EIF3F: variants seen among roughly 807,000 people sequenced by gnomAD.
EIF3F encodes deubiquitinating enzyme eIF3f.
EIF3F carries 8 observed loss-of-function variants against 36.0 expected under a neutral mutation model. The observed-to-expected ratio is 0.22, with a 90% CI of 0.13 to 0.40. The LOEUF is 0.40. Among genes scored for constraint, EIF3F ranks in the 10% least tolerant of loss-of-function variants. The pLI, the probability that EIF3F is intolerant of heterozygous loss-of-function variation, is 1.00. For missense variants in EIF3F, 430 were observed against 467.6 expected, an observed-to-expected ratio of 0.92 and a Z score of 0.74; for synonymous variants, 184 against 188.5, an observed-to-expected ratio of 0.98 and a Z score of 0.19.
Position 7,995,253 on chromosome 11 carries a change from G to C in EIF3F, c.883-1G>C. 6.2e-7 allele frequency: 1 copy of C among 1,613,712 alleles called. No individual in the cohort carries two copies. Among genetic ancestry groups the C allele is most frequent in the African/African-American group, 1.3e-5 (1 of 75,014 alleles). On this transcript the variant is annotated splice_acceptor_variant, in intron 6 of 7. Coordinates refer to ENST00000651655, the MANE Select transcript of EIF3F (RefSeq NM_003754.3). LOFTEE classifies it high-confidence loss of function. ...CATCGAGTCTTTGTTTTGGTACTCA[G>C]TCTGGAAAGGTGTCAGCTGACAATA...
intron 1 of EIF3F, among the ~76,000 whole-genome samples, chr11:7,988,884 C>T (rs1348802724): frequency 6.6e-6 from 1 of 152,244 alleles, no homozygotes; most frequent in Non-Finnish European, 1.5e-5. Flanking sequence ...TTGCCATTCA[C>T]ATCAGGCCTG....
At position 7,987,435 on chromosome 11, in the gene EIF3F, C is replaced by G; in HGVS notation, c.83C>G (p.Ala28Gly). The G allele has an allele frequency of 6.2e-7, 1 of 1,602,480 alleles. No homozygotes were observed. The highest frequency in any genetic ancestry group is 2.2e-5 in the East Asian group (1 of 44,774). Residue 28 changes from alanine to glycine, a missense_variant, in exon 1 of 8, where the codon GCG (alanine) becomes GGG (glycine). Coordinates refer to ENST00000651655, the MANE Select transcript of EIF3F (RefSeq NM_003754.3). ...VPAAAPASVP[A>G]PTPAPAAAPV... ...GCGGCGGCCCCAGCCTCAGTTCCAG[C>G]GCCAACGCCAGCACCGGCTGCGGCT...
In EIF3F at chr11:7,994,997, A is replaced by T; in HGVS notation, c.761A>T (p.Lys254Met). The T allele has an allele frequency of 6.2e-7, 1 of 1,613,352 alleles. No individual in the cohort carries two copies. The highest frequency in any genetic ancestry group is 1.1e-5 in the South Asian group (1 of 91,046). The part of the protein sequence containing the change: ...TERIGVDLIM[K>M]TCFSPNRVIG... ...ACTTCCATAGTTGACCTGATCATGA[A>T]GACCTGCTTTAGCCCCAACAGAGTG... is the stretch of plus-strand genomic sequence containing the variant. The change falls in exon 6 of 8, where the codon AAG becomes ATG. Residue 254 changes from lysine (K) to methionine (M), a missense_variant. Physicochemically the swap from Lys to Met is moderately conservative, Grantham distance 95 (BLOSUM62 -1). Coordinates refer to ENST00000651655, the MANE Select transcript of EIF3F (RefSeq NM_003754.3).
intron 1 of EIF3F, among the ~76,000 whole-genome samples, chr11:7,989,284 G>A (rs948632194): frequency 1.3e-5 from 2 of 152,230 alleles, no homozygotes; most frequent in African/African-American, 2.4e-5. Context: ...TTCCAAGCTC[G>A]CTAAAGCTAT....
intron 3 of EIF3F, 145 bp from the exon 4 acceptor site, chr11:7,992,742 G>A (rs924624160): frequency 1.2e-5 from 11 of 939,102 alleles, no homozygotes; most frequent in Admixed American, 6.8e-5. Context: ...CATAGTTTTC[G>A]GTGTGTGTAT....
intron 5 of EIF3F, 115 bp from the exon 6 acceptor site, chr11:7,994,867 G>A: frequency 6.8e-7 from 1 of 1,461,058 alleles, no homozygotes; most frequent in Non-Finnish European, 9.4e-7. Flanking sequence ...TCTAAGGGGA[G>A]TTGGGAAACA....
rs1589907341 is a variant in EIF3F, at chr11:7,995,749, T to TC, written c.997-195dup. The TC allele has an allele frequency of 7.6e-6, 5 of 654,688 alleles. No individual in the cohort carries two copies. The East Asian group carries it at 1.0e-4, about 13-fold the overall frequency. 40.6% of individuals were successfully genotyped at this position (654,688 alleles called of 1,614,324 possible). ...AAGGCACCCCTAGTCTATAAGTGTATCAGTAGAGATAAGAAAGCCTTCTCA... is the reference window on the plus strand; with the variant it reads ...AAGGCACCCCTAGTCTATAAGTGTATCCAGTAGAGATAAGAAAGCCTTCTCA... On this transcript the variant is annotated intron_variant, in intron 7 of 7. Transcript: ENST00000651655.
chr11:7,992,766 T>G (rs903321870), intron 3 of EIF3F, 121 bp from the exon 4 acceptor site: 12 of 1,255,354 alleles, frequency 9.6e-6, no homozygotes, highest in Admixed American at 3.7e-5. Context: ...TCTTGGCAGT[T>G]GGTGTCACTA....
At chr11:7,991,694 G>C (rs1440052512) in intron 1 of EIF3F, 87 bp from the exon 2 acceptor site, 1 of 1,267,582 alleles carries the variant, frequency 7.9e-7, no homozygotes, top group Non-Finnish European at 1.2e-6. Context: ...TGACATTGAA[G>C]AGATCATCAA....
rs1442991391 is a variant in EIF3F at position 7,999,357 on chromosome 11, C to T, written c.*3335C>T. The T allele has an allele frequency of 6.6e-6, 1 of 152,164 alleles. No individual in the cohort carries two copies. Among genetic ancestry groups the T allele is most frequent in the Non-Finnish European group, 1.5e-5 (1 of 68,032 alleles). The allele number at this position is 152,164 out of a possible 1,614,324, so 9.4% of individuals were successfully genotyped here. A position where few individuals can be genotyped will look rare whatever the true frequency, so the allele number is the denominator to read the frequency against. On this transcript the variant is annotated 3_prime_UTR_variant, in exon 8 of 8. Transcript: ENST00000651655. ...AAAACTTGAAAATGCTAATGAGAAACATGAGATGTAATCACTTGAAGGCAT... is the reference window on the plus strand; with the variant it reads ...AAAACTTGAAAATGCTAATGAGAAATATGAGATGTAATCACTTGAAGGCAT...
chr11:7,998,872 C>T lies in EIF3F; in HGVS notation c.*2850C>T, dbSNP rs924927515. On this transcript the variant is annotated 3_prime_UTR_variant, in exon 8 of 8. Coordinates refer to ENST00000651655, the MANE Select transcript of EIF3F (RefSeq NM_003754.3). ...TAGGTATTGATTATATTATAAATAG[C>T]CCAACCTGAACTCATGACCATAGTG... 1 of 152,036 alleles carries T rather than the reference C, an allele frequency of 6.6e-6. No individual in the cohort carries two copies. 9.4% of individuals were successfully genotyped at this position (152,036 alleles called of 1,614,324 possible). A position where few individuals can be genotyped will look rare whatever the true frequency, so the allele number is the denominator to read the frequency against.
chr11:7,987,412 G>A lies in EIF3F; in HGVS notation c.60G>A (p.Ala20=). 1.9e-6 allele frequency: 3 copies of A among 1,601,028 alleles called. No homozygotes were observed. Among genetic ancestry groups the A allele is most frequent in the Non-Finnish European group, 2.5e-6 (3 of 1,179,402 alleles). ...CGGCCACGCCAACCCCAGTCCCGGC[G>A]GCGGCCCCAGCCTCAGTTCCAGCGC... The part of the protein sequence containing the change: ...APPATPTPVP[A]AAPASVPAPT... Residue 20 remains alanine, a synonymous_variant, in exon 1 of 8, where the codon GCG becomes GCA. Transcript: ENST00000651655.
At chr11:7,995,826 G>A (rs1942154106) in intron 7 of EIF3F, 119 bp from the exon 8 acceptor site, 1 of 808,506 alleles carries the variant, frequency 1.2e-6, no homozygotes, top group Admixed American at 1.8e-5. Context: ...GTCTCTCCTA[G>A]CTGTCATTTA....
At chr11:7,994,585 C>A in intron 5 of EIF3F, 68 bp downstream of exon 5, 1 of 1,463,572 alleles carries the variant, frequency 6.8e-7, no homozygotes, top group Non-Finnish European at 9.4e-7. Context: ...TGCTAGTCTG[C>A]AACATGGACG....
intron 1 of EIF3F, 56 bp from the exon 2 acceptor site, chr11:7,991,723 CAG>C: frequency 1.3e-6 from 2 of 1,538,824 alleles, no homozygotes; most frequent in South Asian, 2.2e-5. Flanking sequence ...CAAAAGTAGT[CAG>C]AGGTTGTTGG....
chr11:7,995,141 A>G, intron 6 of EIF3F, 23 bp downstream of exon 6: 1 of 1,612,460 alleles, frequency 6.2e-7, no homozygotes, highest in Non-Finnish European at 8.5e-7. Flanking sequence ...AGAAAAAACA[A>G]AGGGGGAGGA....
chr11:7,987,977 A>G (rs1429962557), intron 1 of EIF3F: 4 of 394,754 alleles, frequency 1.0e-5, no homozygotes, highest in Non-Finnish European at 1.7e-5. Flanking sequence ...TCATTTACTG[A>G]ATATTTTATG....
In EIF3F at chr11:8,001,152, T is replaced by G. The variant is rs1942216224; in HGVS notation, c.*5130T>G. On this transcript the variant is annotated 3_prime_UTR_variant, in exon 8 of 8. Coordinates refer to ENST00000651655, the MANE Select transcript of EIF3F (RefSeq NM_003754.3). Reference sequence around the variant, plus strand: ...AGACACACAAATGTGAAAAGATGCTTGATCTCACTGATAAAGCATAAATTA... The same window carrying G: ...AGACACACAAATGTGAAAAGATGCTGGATCTCACTGATAAAGCATAAATTA... The G allele has an allele frequency of 6.6e-6, 1 of 152,204 alleles. No individual in the cohort carries two copies. Among genetic ancestry groups the G allele is most frequent in the Non-Finnish European group, 1.5e-5 (1 of 68,042 alleles). The allele number at this position is 152,204 out of a possible 1,614,324, so 9.4% of individuals were successfully genotyped here.
chr11:7,992,302 G>T, intron 3 of EIF3F, 139 bp downstream of exon 3: 1 of 754,504 alleles, frequency 1.3e-6, no homozygotes, highest in East Asian at 2.7e-5. Context: ...GTGAGCAGTG[G>T]CTCAATGCCT....
Sources: gnomAD v4.1 joint callset for allele counts (sites outside exome capture counted in the v4.1 genomes callset) on GRCh38, gnomAD v4.1.1 for gene constraint, MANE v1.5 for transcripts, NCBI Gene and HGNC (gene_info 2026-07-23, HGNC 2026-07-21) for gene names.